Variants in TMCC1 observed in about 807,000 individuals in gnomAD.
The protein encoded by TMCC1 is transmembrane and coiled-coil domain family 1.
TMCC1 carries 15 observed loss-of-function variants against 52.4 expected under a neutral mutation model. The observed-to-expected ratio is 0.29, with a 90% CI of 0.19 to 0.44. TMCC1 has a LOEUF of 0.44. TMCC1 is among the 20% of genes least tolerant of loss of function. The pLI, the probability that TMCC1 is intolerant of heterozygous loss-of-function variation, is 1.00. For missense variants in TMCC1, 503 were observed against 806.0 expected, an observed-to-expected ratio of 0.62 and a Z score of 4.55; for synonymous variants, 279 against 301.9, an observed-to-expected ratio of 0.92 and a Z score of 0.79.
At chr3:129,722,430 T>C (rs1011447282) in intron 4 of TMCC1, among the ~76,000 whole-genome samples, 20 of 152,050 alleles carry the variant, frequency 1.3e-4, no homozygotes, top group Non-Finnish European at 2.2e-4. Flanking sequence ...TGTGGAAAAA[T>C]TGTCTTCCAC....
intron 4 of TMCC1, among the ~76,000 whole-genome samples, chr3:129,786,598 C>A (rs1204118372): frequency 6.6e-6 from 1 of 152,158 alleles, no homozygotes; most frequent in Non-Finnish European, 1.5e-5. Context: ...GGAAGAGCTC[C>A]TTCCCTCTTC....
intron 1 of TMCC1, among the ~76,000 whole-genome samples, chr3:129,892,925 G>A (rs555849462): frequency 6.6e-6 from 1 of 152,172 alleles, no homozygotes; most frequent in Non-Finnish European, 1.5e-5. Context: ...ACCAAGCCCA[G>A]CCAGCTCCTC....
At chr3:129,891,651 C>T (rs2061967089) in intron 1 of TMCC1, among the ~76,000 whole-genome samples, 1 of 152,172 alleles carries the variant, frequency 6.6e-6, no homozygotes, top group South Asian at 2.1e-4. Context: ...TCCTCATTCC[C>T]ATACATACAG....
intron 5 of TMCC1, among the ~76,000 whole-genome samples, chr3:129,660,319 G>A (rs1263968443): frequency 1.3e-5 from 2 of 151,868 alleles, no homozygotes; most frequent in African/African-American, 2.4e-5. Flanking sequence ...GGTTAATTTT[G>A]TTTTTGTATT....
intron 2 of TMCC1, among the ~76,000 whole-genome samples, chr3:129,878,976 T>C (rs760614687): frequency 6.6e-6 from 1 of 152,222 alleles, no homozygotes; most frequent in Non-Finnish European, 1.5e-5. Flanking sequence ...CATATATGTG[T>C]ATGGCTCACT....
At chr3:129,784,961 C>T (rs1048661350) in intron 4 of TMCC1, among the ~76,000 whole-genome samples, 5 of 152,066 alleles carry the variant, frequency 3.3e-5, no homozygotes, top group African/African-American at 1.2e-4. Flanking sequence ...GCCTGGGTGA[C>T]AGAGCGAGAC....
intron 4 of TMCC1, among the ~76,000 whole-genome samples, chr3:129,700,711 G>C (rs1401240606): frequency 1.3e-5 from 2 of 151,422 alleles, no homozygotes; most frequent in African/African-American, 2.4e-5. Flanking sequence ...TCCTGACCTC[G>C]TGATCTGCCT....
rs542956559 is a variant in TMCC1, at chr3:129,836,478, A to T, written c.-183-3652T>A. Among the ~76,000 whole-genome samples, 51 of 152,334 alleles carry T rather than the reference A, an allele frequency of 3.3e-4. No individual in the cohort carries two copies. In the East Asian group the frequency reaches 8.3e-3, roughly 25 times the overall value. ...CCCTAAGGCAAGTCTCACAAATTTTAAAAAAACTGAAATAATACACAGTAT... is the reference window on the plus strand; with the variant it reads ...CCCTAAGGCAAGTCTCACAAATTTTTAAAAAACTGAAATAATACACAGTAT... On this transcript the variant is annotated intron_variant, in intron 2 of 6. Coordinates refer to ENST00000393238, the MANE Select transcript of TMCC1 (RefSeq NM_001017395.5).
At chr3:129,860,661 G>C (rs1227989886) in intron 2 of TMCC1, among the ~76,000 whole-genome samples, 2 of 151,068 alleles carry the variant, frequency 1.3e-5, no homozygotes, top group Non-Finnish European at 2.9e-5. Context: ...GTGCAATGGT[G>C]CGATCTCAGC....
intron 2 of TMCC1, among the ~76,000 whole-genome samples, chr3:129,846,744 G>A (rs1370378608): frequency 6.6e-6 from 1 of 151,692 alleles, no homozygotes; most frequent in Non-Finnish European, 1.5e-5. Context: ...TTTGAAGAAT[G>A]CTGGCCAGGC....
rs949536336 is a variant in TMCC1 at position 129,865,667 on chromosome 3, A to C, written c.-184+14642T>G. The stretch of plus-strand genomic sequence containing the variant: ...TGCTTAATAAATGTCAGAATAAACG[A>C]GTGAATGAGTGAATAAATGAACACT... On this transcript the variant is annotated intron_variant, in intron 2 of 6. Coordinates refer to ENST00000393238, the MANE Select transcript of TMCC1 (RefSeq NM_001017395.5). 2.6e-5 allele frequency among the ~76,000 whole-genome samples: 4 copies of C among 152,310 alleles called. No individual in the cohort carries two copies. In the East Asian group the frequency reaches 7.7e-4, roughly 29 times the overall value.
intron 4 of TMCC1, among the ~76,000 whole-genome samples, chr3:129,750,298 C>A (rs1469012553): frequency 1.3e-5 from 2 of 152,074 alleles, no homozygotes; most frequent in Non-Finnish European, 2.9e-5. Context: ...TCAAGCAATT[C>A]TCCTGCCTCA....
chr3:129,759,959 G>A (rs2107674079), intron 4 of TMCC1, among the ~76,000 whole-genome samples: 1 of 151,822 alleles, frequency 6.6e-6, no homozygotes, highest in Non-Finnish European at 1.5e-5. Flanking sequence ...CTGACCTCGT[G>A]ATCCACCCGC....
chr3:129,785,826 T>C (rs2055976120), intron 4 of TMCC1, among the ~76,000 whole-genome samples: 1 of 152,112 alleles, frequency 6.6e-6, no homozygotes, highest in African/African-American at 2.4e-5. Flanking sequence ...AGTTAAGACA[T>C]TTAGTTTAGC....
At chr3:129,684,690 A>G (rs2089275865) in intron 4 of TMCC1, among the ~76,000 whole-genome samples, 1 of 152,232 alleles carries the variant, frequency 6.6e-6, no homozygotes, top group Non-Finnish European at 1.5e-5. Flanking sequence ...TTACAAATAA[A>G]GTAAAGTAGA....
intron 5 of TMCC1, among the ~76,000 whole-genome samples, chr3:129,661,530 G>A (rs2087025009): frequency 6.6e-6 from 1 of 152,218 alleles, no homozygotes; most frequent in South Asian, 2.1e-4. Context: ...ATTGGCTTGT[G>A]CCTGTTATTA....
intron 4 of TMCC1, among the ~76,000 whole-genome samples, chr3:129,742,488 C>A (rs116209554): frequency 2.0e-5 from 3 of 152,074 alleles, no homozygotes; most frequent in African/African-American, 7.2e-5. Context: ...CATTAACCAC[C>A]AAGGAAGTGT....
At chr3:129,699,598 T>G (rs761479257) in intron 4 of TMCC1, among the ~76,000 whole-genome samples, 20 of 152,214 alleles carry the variant, frequency 1.3e-4, no homozygotes, top group Non-Finnish European at 2.9e-4. Flanking sequence ...CTTAATAAAC[T>G]TGCTTTCACT....
At chr3:129,757,602 T>G (rs2053132291) in intron 4 of TMCC1, among the ~76,000 whole-genome samples, 1 of 152,052 alleles carries the variant, frequency 6.6e-6, no homozygotes, top group South Asian at 2.1e-4. Context: ...GGGGGGATCA[T>G]TTGAGGTCTG....
Sources: gnomAD v4.1 joint callset for allele counts (sites outside exome capture counted in the v4.1 genomes callset) on GRCh38, gnomAD v4.1.1 for gene constraint, MANE v1.5 for transcripts, NCBI Gene and HGNC (gene_info 2026-07-23, HGNC 2026-07-21) for gene names.